RTN1: variants seen among roughly 807,000 people sequenced by gnomAD.
RTN1 encodes reticulon-1.
Under a neutral mutation model 65.5 loss-of-function variants are expected in RTN1, and 25 were observed. That is an observed-to-expected ratio of 0.38 (90% CI 0.28 to 0.53). The LOEUF is 0.53. RTN1 is among the 20% of genes least tolerant of loss of function. The pLI, the probability that RTN1 is intolerant of heterozygous loss-of-function variation, is 0.79. For missense variants in RTN1, 983 were observed against 1,025.4 expected, an observed-to-expected ratio of 0.96 and a Z score of 0.57; for synonymous variants, 471 against 447.6, an observed-to-expected ratio of 1.05 and a Z score of -0.66.
intron 3 of RTN1, among the ~76,000 whole-genome samples, chr14:59,663,595 C>A (rs915706229): frequency 1.3e-5 from 2 of 151,592 alleles, no homozygotes; most frequent in Admixed American, 1.3e-4. Flanking sequence ...TCATAAAGGG[C>A]TAATATCCAG....
intron 1 of RTN1, among the ~76,000 whole-genome samples, chr14:59,848,992 C>T (rs965630517): frequency 4.6e-5 from 7 of 152,148 alleles, no homozygotes; most frequent in Non-Finnish European, 8.8e-5. Context: ...TGAAAATGCA[C>T]ATTTGTTACC....
In RTN1 at chr14:59,603,111, G is replaced by C. The variant is rs1302731887; in HGVS notation, c.2242C>G (p.Gln748Glu). The change falls in exon 8 of 9, where the codon CAA becomes GAA. Residue 748 changes from glutamine to glutamate, a missense_variant. This residue lies in a region of RTN1 where 165 missense variants were observed against 223.6 expected (regional missense o/e 0.74). Coordinates refer to ENST00000267484, the MANE Select transcript of RTN1 (RefSeq NM_021136.3). ...VYVKHQAQID[Q>E]YLGLVRTHIN... ...TGAGTCCTCACAAGTCCCAGATATT[G>C]GTCAATCTGTGCCTACATAAAGAAA... 2 of 1,612,994 alleles carry C rather than the reference G, an allele frequency of 1.2e-6. No homozygotes were observed. Among genetic ancestry groups the C allele is most frequent in the African/African-American group, 1.3e-5 (1 of 74,840 alleles).
intron 3 of RTN1, among the ~76,000 whole-genome samples, chr14:59,654,845 A>AT (rs1195784691): frequency 1.3e-5 from 2 of 152,220 alleles, no homozygotes; most frequent in Non-Finnish European, 2.9e-5. Flanking sequence ...AAAAACACTC[A>AT]TGGCAATTAT....
chr14:59,736,727 A>C (rs765062082), intron 2 of RTN1, among the ~76,000 whole-genome samples: 1 of 152,228 alleles, frequency 6.6e-6, no homozygotes, highest in African/African-American at 2.4e-5. Flanking sequence ...ACAACAAAAA[A>C]ATAAAACTTC....
At chr14:59,857,366 T>A (rs2139671120) in intron 1 of RTN1, among the ~76,000 whole-genome samples, 1 of 152,294 alleles carries the variant, frequency 6.6e-6, no homozygotes, top group Non-Finnish European at 1.5e-5. Context: ...AAGTAGAAAT[T>A]TCCATTCAAA....
chr14:59,859,624 G>A (rs1887669963), intron 1 of RTN1, among the ~76,000 whole-genome samples: 1 of 152,222 alleles, frequency 6.6e-6, no homozygotes, highest in African/African-American at 2.4e-5. Flanking sequence ...GGTTGGAACA[G>A]TTTGGAGGAC....
rs748651462 is a variant in RTN1 at position 59,727,239 on chromosome 14, T to C, written c.1445A>G (p.Lys482Arg). 1.1e-5 allele frequency: 17 copies of C among 1,550,160 alleles called. No homozygotes were observed. The East Asian group carries it at 1.6e-4, about 15-fold the overall frequency. ...DASSASEESPKREQDSPPMKP... is the reference protein window; with the variant it reads ...DASSASEESPRREQDSPPMKP... ...CATCGGGGGTGAGTCCTGCTCCCGC[T>C]TGGGGCTCTCCTCCGAGGCCGAGGA... is the stretch of plus-strand genomic sequence containing the variant. Residue 482 changes from lysine to arginine, a missense_variant, in exon 3 of 9, where the codon AAG becomes AGG. Around this residue, in one of 2 missense-constraint regions of RTN1, gnomAD observed 818 missense variants for 801.8 expected, o/e 1.02. Coordinates refer to ENST00000267484, the MANE Select transcript of RTN1 (RefSeq NM_021136.3). The surrounding 1 kb of genome is among the most constrained non-coding windows in gnomAD (Gnocchi z 4.2).
intron 1 of RTN1, among the ~76,000 whole-genome samples, chr14:59,777,632 C>T (rs1020413406): frequency 6.6e-6 from 1 of 152,052 alleles, no homozygotes; most frequent in Non-Finnish European, 1.5e-5. Flanking sequence ...CCCCTTTGCC[C>T]CTTTTTTCAG....
Position 59,607,407 on chromosome 14 carries a change from C to T in RTN1, c.1851G>A (p.Gln617=). Residue 617 remains glutamine, a synonymous_variant, in exon 4 of 9, where the codon CAG becomes CAA. Coordinates refer to ENST00000267484, the MANE Select transcript of RTN1 (RefSeq NM_021136.3). The stretch of plus-strand genomic sequence containing the variant: ...AGGCCACGACGCTCACCACGCTGAA[C>T]TGGGTCAGGGAGAAGAGCAGCAGCA... ...SFLLLLFSLT[Q]FSVVSVVAYL... is the part of the protein sequence containing the mutation. 1.2e-6 allele frequency: 2 copies of T among 1,614,002 alleles called. No homozygotes were observed. The highest frequency in any genetic ancestry group is 1.3e-5 in the African/African-American group (1 of 75,060).
chr14:59,799,498 A>T (rs1886499861), intron 1 of RTN1, among the ~76,000 whole-genome samples: 1 of 152,244 alleles, frequency 6.6e-6, no homozygotes, highest in Admixed American at 6.5e-5. Flanking sequence ...GGGACACATG[A>T]ATTCTTTCAC....
chr14:59,737,690 A>T (rs1885028782), intron 2 of RTN1, among the ~76,000 whole-genome samples: 2 of 152,232 alleles, frequency 1.3e-5, no homozygotes, highest in African/African-American at 4.8e-5. Flanking sequence ...ACCAAAAGAG[A>T]GCCAGAATAG....
rs1443103667 is a variant in RTN1 at position 59,870,260 on chromosome 14, G to A, written c.241+130C>T. On this transcript the variant is annotated intron_variant, in intron 1 of 8. Coordinates refer to ENST00000267484, the MANE Select transcript of RTN1 (RefSeq NM_021136.3). This position sits in a 1 kb window ranked among gnomAD's most constrained non-coding sequence, Gnocchi z 5.1. Reference sequence around the variant, plus strand: ...GCGAATATTCCCAGTCGCCCGTGGCGACGCGGGGGTGGGGTCGGCGCTCAA... The same window carrying A: ...GCGAATATTCCCAGTCGCCCGTGGCAACGCGGGGGTGGGGTCGGCGCTCAA... 3.3e-6 allele frequency: 3 copies of A among 913,964 alleles called. No individual in the cohort carries two copies. The highest frequency in any genetic ancestry group is 2.9e-6 in the Non-Finnish European group (2 of 684,186). 56.6% of individuals were successfully genotyped at this position (913,964 alleles called of 1,614,324 possible). A position where few individuals can be genotyped will look rare whatever the true frequency, so the allele number is the denominator to read the frequency against.
intron 2 of RTN1, among the ~76,000 whole-genome samples, chr14:59,733,976 C>T (rs907507332): frequency 6.6e-6 from 1 of 152,124 alleles, no homozygotes; most frequent in African/African-American, 2.4e-5. Context: ...CCTACAGGCA[C>T]ATTTGGGCTG....
At chr14:59,647,551 T>C (rs1882926505) in intron 3 of RTN1, among the ~76,000 whole-genome samples, 1 of 152,234 alleles carries the variant, frequency 6.6e-6, no homozygotes, top group African/African-American at 2.4e-5. Flanking sequence ...CAGTTGGTTA[T>C]ATAACAATTT....
At chr14:59,721,412 T>C (rs1884645184) in intron 3 of RTN1, among the ~76,000 whole-genome samples, 1 of 152,230 alleles carries the variant, frequency 6.6e-6, no homozygotes, top group Admixed American at 6.5e-5. Flanking sequence ...GTCTAAGTCA[T>C]GCTCACCAAC....
At chr14:59,689,181 T>C (rs1428408547) in intron 3 of RTN1, among the ~76,000 whole-genome samples, 1 of 152,036 alleles carries the variant, frequency 6.6e-6, no homozygotes, top group African/African-American at 2.4e-5. Context: ...GAAAGCTTCA[T>C]CAATAGACCA....
In RTN1 at chr14:59,750,101, T is replaced by TATAATA. The variant is rs1594722242; in HGVS notation, c.242-3621_242-3620insTATTAT. Reference sequence around the variant, plus strand: ...ATATTATAGACATATATATTATATATTATATATTATATATAATATATATTA... The same window carrying TATAATA: ...ATATTATAGACATATATATTATATATATAATATATATATTATATATAATATATATTA... On this transcript the variant is annotated intron_variant, in intron 1 of 8. Coordinates refer to ENST00000267484, the MANE Select transcript of RTN1 (RefSeq NM_021136.3). Among the ~76,000 whole-genome samples the TATAATA allele has an allele frequency of 8.9e-4, 56 of 63,168 alleles. 2 individuals are homozygous for TATAATA. The highest frequency in any genetic ancestry group is 1.6e-3 in the African/African-American group (16 of 10,180). The allele number at this position is 63,168 out of a possible 152,430, so 41.4% of individuals were successfully genotyped here.
chr14:59,819,676 G>T (rs1051146793), intron 1 of RTN1, among the ~76,000 whole-genome samples: 1 of 152,080 alleles, frequency 6.6e-6, no homozygotes, highest in Non-Finnish European at 1.5e-5. Flanking sequence ...GAGGCTGGGG[G>T]CTCCGGCATG....
chr14:59,729,422 A>C (rs1450612869), intron 2 of RTN1, among the ~76,000 whole-genome samples: 1 of 152,164 alleles, frequency 6.6e-6, no homozygotes, highest in Admixed American at 6.5e-5. Context: ...CTACTTCATT[A>C]TCTCTCATAT....
Sources: gnomAD v4.1 joint callset for allele counts (sites outside exome capture counted in the v4.1 genomes callset) on GRCh38, gnomAD v4.1.1 for gene constraint, gnomAD v4.1.1 regional missense constraint, Gnocchi (gnomAD v3.1) non-coding constraint, MANE v1.5 for transcripts, NCBI Gene and HGNC (gene_info 2026-07-23, HGNC 2026-07-21) for gene names.